Variants in IMPG2 observed in about 807,000 individuals in gnomAD.
IMPG2 encodes the protein IPM 200.
Under a neutral mutation model 129.2 loss-of-function variants are expected in IMPG2, and 91 were observed. The observed-to-expected ratio is 0.70, with a 90% CI of 0.59 to 0.84. The LOEUF is 0.84. Ranked by LOEUF, IMPG2 falls within the 40% of genes least tolerant of loss-of-function variation. IMPG2 has a pLI of 0.00. For missense variants in IMPG2, 1,430 were observed against 1,461.7 expected (o/e 0.98, Z 0.35); for synonymous variants, 510 against 517.7 (o/e 0.99, Z 0.20).
At chr3:101,249,584 A>C (rs1376303067) in intron 11 of IMPG2, among the ~76,000 whole-genome samples, 1 of 152,110 alleles carries the variant, frequency 6.6e-6, no homozygotes, top group East Asian at 1.9e-4. Flanking sequence ...AAATAGAAGC[A>C]AGATATATCT....
rs765157266 is a variant in IMPG2 at position 101,232,908 on chromosome 3, A to C, written c.3106T>G (p.Cys1036Gly). Residue 1036 changes from cysteine (C) to glycine (G), a missense_variant, in exon 15 of 19, where the codon TGC (cysteine) becomes GGC (glycine). Cys to Gly is a radical substitution (Grantham distance 159, BLOSUM62 -3). Transcript: ENST00000193391. ...LVNPWSGEAK[C>G]RCFPGYLSVE... ...CTCAGGTATCCAGGGAAGCATCTGC[A>C]CTTTGCTTCTCCACTCCAGGGGTTG... is the stretch of plus-strand genomic sequence containing the variant. 7 of 1,613,952 alleles carry C rather than the reference A, an allele frequency of 4.3e-6. No homozygotes were observed. Among genetic ancestry groups the C allele is most frequent in the Non-Finnish European group, 5.9e-6 (7 of 1,179,952 alleles).
At position 101,304,278 on chromosome 3, in the gene IMPG2, A is replaced by G; in HGVS notation, c.369T>C (p.Thr123=). ...CACGCCCAGGAAGTCGATCCCAAAA[A>G]GTCCTGAAGGCTTCCCAGACAGCTT... is the stretch of plus-strand genomic sequence containing the variant. ...CQEAVWEAFR[T]FWDRLPGREE... Residue 123 remains threonine (T), a synonymous_variant, in exon 3 of 19, where the codon ACT becomes ACC. Transcript: ENST00000193391. 1.2e-6 allele frequency: 2 copies of G among 1,613,944 alleles called. No individual in the cohort carries two copies. The highest frequency in any genetic ancestry group is 1.7e-6 in the Non-Finnish European group (2 of 1,179,800).
Position 101,319,586 on chromosome 3 carries a change from C to T in IMPG2, c.332G>A (p.Arg111Gln). The change falls in exon 2 of 19, where the codon CGA becomes CAA. Residue 111 changes from arginine to glutamine, a missense_variant and splice_region_variant. Coordinates refer to ENST00000193391, the MANE Select transcript of IMPG2 (RefSeq NM_016247.4). ...VANHVKYFKV[R>Q]VCQEAVWEAF... ...GAAGGATTTGGATGTTCGCTTACCT[C>T]GGACTTTAAAATACTTCACATGATT... 3 of 1,613,400 alleles carry T rather than the reference C, an allele frequency of 1.9e-6. No homozygotes were observed. Among genetic ancestry groups the T allele is most frequent in the East Asian group, 2.2e-5 (1 of 44,856 alleles).
chr3:101,293,607 A>G (rs1306117363), intron 3 of IMPG2, among the ~76,000 whole-genome samples: 2 of 152,250 alleles, frequency 1.3e-5, no homozygotes, highest in Non-Finnish European at 2.9e-5. Flanking sequence ...TCCCATAACA[A>G]GAAATTCAGT....
In IMPG2 at chr3:101,226,987, A is replaced by G. The variant is rs760878163; in HGVS notation, c.3714-6T>C. 6.2e-7 allele frequency: 1 copy of G among 1,613,762 alleles called. No homozygotes were observed. The highest frequency in any genetic ancestry group is 1.1e-5 in the South Asian group (1 of 91,056). On this transcript the variant is annotated splice_region_variant and splice_polypyrimidine_tract_variant and intron_variant, in intron 18 of 18. Coordinates refer to ENST00000193391, the MANE Select transcript of IMPG2 (RefSeq NM_016247.4). ...GTTTTGGTTAAACCTCTTCCCTGCC[A>G]TGAAAACACAAAGAGCAATTCAGTA... is the stretch of plus-strand genomic sequence containing the variant.
In IMPG2 at chr3:101,320,354, A is replaced by G. The variant is rs1185400318; in HGVS notation, c.19T>C (p.Phe7Leu). 1 of 1,607,762 alleles carries G rather than the reference A, an allele frequency of 6.2e-7. No individual in the cohort carries two copies. Among genetic ancestry groups the G allele is most frequent in the East Asian group, 2.2e-5 (1 of 44,654 alleles). MIMFPL[F>L]GKISLGILIF... The stretch of plus-strand genomic sequence containing the variant: ...AAAATACCCAGAGAAATCTTCCCAA[A>G]AAGAGGAAACATAATCATTTGGGCC... Residue 7 changes from phenylalanine to leucine, a missense_variant, in exon 1 of 19, where the codon TTT becomes CTT. Coordinates refer to ENST00000193391, the MANE Select transcript of IMPG2 (RefSeq NM_016247.4).
rs1707009825 is a variant in IMPG2, at chr3:101,291,561, G to A, written c.502-51C>T. ...GACTGAGTTAACAACAGTTATTAAG[G>A]AGTAAATAAAACTTATTTCATAGAG... On this transcript the variant is annotated intron_variant, in intron 3 of 18. Coordinates refer to ENST00000193391, the MANE Select transcript of IMPG2 (RefSeq NM_016247.4). The A allele has an allele frequency of 8.4e-6, 12 of 1,426,596 alleles. No individual in the cohort carries two copies. In the South Asian group the frequency reaches 1.2e-4, roughly 14 times the overall value. 88.4% of individuals were successfully genotyped at this position (1,426,596 alleles called of 1,614,324 possible).
intron 18 of IMPG2, among the ~76,000 whole-genome samples, chr3:101,227,391 CTG>C (rs1232496096): frequency 6.6e-6 from 1 of 152,166 alleles, no homozygotes; most frequent in Non-Finnish European, 1.5e-5. Context: ...TTCATAGACT[CTG>C]TGTGTGTATT....
chr3:101,307,414 A>G (rs914303640), intron 2 of IMPG2, among the ~76,000 whole-genome samples: 1 of 152,216 alleles, frequency 6.6e-6, no homozygotes, highest in Admixed American at 6.5e-5. Context: ...TTTATAAAGG[A>G]AAGAGATTTA....
chr3:101,250,624 A>T (rs551694895), intron 11 of IMPG2, among the ~76,000 whole-genome samples: 2 of 152,320 alleles, frequency 1.3e-5, no homozygotes, highest in African/African-American at 4.8e-5. Context: ...TGCTTTTCCC[A>T]CTAACAGCTA....
chr3:101,298,226 CT>C (rs911248905), intron 3 of IMPG2, among the ~76,000 whole-genome samples: 19 of 148,906 alleles, frequency 1.3e-4, no homozygotes, highest in Admixed American at 7.4e-4. Context: ...GCAACCCCTG[CT>C]TTTTTTTTTC....
chr3:101,271,999 C>T (rs1706788028), intron 7 of IMPG2, among the ~76,000 whole-genome samples: 1 of 152,120 alleles, frequency 6.6e-6, no homozygotes, highest in African/African-American at 2.4e-5. Context: ...CCTCAGGCAC[C>T]AACCCTCCCA....
At chr3:101,248,559 C>A (rs1485198309) in intron 11 of IMPG2, among the ~76,000 whole-genome samples, 1 of 152,194 alleles carries the variant, frequency 6.6e-6, no homozygotes, top group African/African-American at 2.4e-5. Context: ...ACTACACACT[C>A]TCCCAATCAC....
At position 101,232,783 on chromosome 3, in the gene IMPG2, A is replaced by G; in HGVS notation, c.3231T>C (p.Cys1077=). The stretch of plus-strand genomic sequence containing the variant: ...CAAAATCTGTAACTACAACATACCT[A>G]CAAATGGCCCCGTGCCCAGGCATAA... ...CDIMPGHGAI[C]RCRVGENWWY... Residue 1077 remains cysteine, a splice_region_variant and synonymous_variant, in exon 15 of 19, where the codon TGT becomes TGC. Transcript: ENST00000193391. 6.2e-7 allele frequency: 1 copy of G among 1,613,588 alleles called. No homozygotes were observed. The highest frequency in any genetic ancestry group is 8.5e-7 in the Non-Finnish European group (1 of 1,179,796).
chr3:101,315,851 A>G (rs990962323), intron 2 of IMPG2, among the ~76,000 whole-genome samples: 1 of 152,002 alleles, frequency 6.6e-6, no homozygotes, highest in Non-Finnish European at 1.5e-5. Flanking sequence ...AAAAAAACAG[A>G]GGTTGGAGGA....
intron 11 of IMPG2, among the ~76,000 whole-genome samples, chr3:101,249,267 C>A (rs574193463): frequency 2.0e-5 from 3 of 152,112 alleles, no homozygotes; most frequent in Non-Finnish European, 4.4e-5. Context: ...CTGTTGAGAC[C>A]CTGGATGAGT....
chr3:101,300,555 G>A (rs1004877704), intron 3 of IMPG2, among the ~76,000 whole-genome samples: 2 of 152,234 alleles, frequency 1.3e-5, no homozygotes, highest in South Asian at 4.1e-4. Flanking sequence ...TGATCTGTGG[G>A]TTGCACAGTT....
Position 101,244,494 on chromosome 3 carries a change from T to C in IMPG2, c.1837A>G (p.Thr613Ala), listed in dbSNP as rs1395103675. 1.9e-6 allele frequency: 3 copies of C among 1,612,892 alleles called. No individual in the cohort carries two copies. In the East Asian group the frequency reaches 6.7e-5, roughly 36 times the overall value. Residue 613 changes from threonine to alanine, a missense_variant, in exon 13 of 19, where the codon ACT becomes GCT. Physicochemically the swap from Thr to Ala is moderately conservative, Grantham distance 58. Coordinates refer to ENST00000193391, the MANE Select transcript of IMPG2 (RefSeq NM_016247.4). ...GATGAAGTCTCACTCCATGGCCAAG[T>C]AATCAGATCTACCTTTTGCCCAGAC... ...SGSGQKVDLITWPWSETSSEK... is the reference protein window; with the variant it reads ...SGSGQKVDLIAWPWSETSSEK...
intron 4 of IMPG2, among the ~76,000 whole-genome samples, chr3:101,282,887 A>G (rs894438343): frequency 6.6e-6 from 1 of 152,214 alleles, no homozygotes; most frequent in African/African-American, 2.4e-5. Flanking sequence ...TTTATAAGCT[A>G]CAATCTTTCC....
Sources: gnomAD v4.1 joint callset for allele counts (sites outside exome capture counted in the v4.1 genomes callset) on GRCh38, gnomAD v4.1.1 for gene constraint, MANE v1.5 for transcripts, NCBI Gene and HGNC (gene_info 2026-07-23, HGNC 2026-07-21) for gene names.